Variants in VWA8 observed in about 807,000 individuals in gnomAD.
VWA8 encodes von Willebrand factor A domain-containing protein 8.
A neutral mutation model predicts 241.5 loss-of-function variants in VWA8; 221 were observed. The observed-to-expected ratio is 0.91, with a 90% CI of 0.82 to 1.02. VWA8 has a LOEUF of 1.02. Ranked by LOEUF, VWA8 falls within the 50% of genes least tolerant of loss-of-function variation. VWA8 has a pLI of 0.00. For missense variants in VWA8, 2,322 were observed against 2,328.7 expected (o/e 1.00, Z 0.06); for synonymous variants, 852 against 827.1 (o/e 1.03, Z -0.52).
intron 37 of VWA8, among the ~76,000 whole-genome samples, chr13:41,617,755 T>G (rs2044630864): frequency 6.6e-6 from 1 of 152,180 alleles, no homozygotes; most frequent in African/African-American, 2.4e-5. Context: ...TTTTCTGTCT[T>G]TATGACAGTT....
At chr13:41,684,899 G>A (rs1043041025) in intron 35 of VWA8, 148 bp downstream of exon 35, 12 of 691,562 alleles carry the variant, frequency 1.7e-5, no homozygotes, top group African/African-American at 1.1e-4. Flanking sequence ...TTCTGAATAC[G>A]GAGAGGTCTT....
chr13:41,684,931 C>T lies in VWA8; in HGVS notation c.4327+116G>A, dbSNP rs1024281137. On this transcript the variant is annotated intron_variant, in intron 35 of 44. Coordinates refer to ENST00000379310, the MANE Select transcript of VWA8 (RefSeq NM_015058.2). ...TCTTTTTAGTTACTTCTAAACTTGT[C>T]GGAATGATCAATTTTTATAAGTATG... is the stretch of plus-strand genomic sequence containing the variant. 2.0e-5 allele frequency: 19 copies of T among 939,348 alleles called. 1 individual carries two copies. Among genetic ancestry groups the T allele is most frequent in the African/African-American group, 1.0e-4 (6 of 59,566 alleles). The allele number at this position is 939,348 out of a possible 1,614,324, so 58.2% of individuals were successfully genotyped here.
chr13:41,641,944 C>T (rs75916343), intron 37 of VWA8, among the ~76,000 whole-genome samples: 5,794 of 152,158 alleles, frequency 0.038, 374 homozygotes, highest in African/African-American at 0.13. Context: ...ATAAGACAAA[C>T]GGAAATCAAA....
intron 37 of VWA8, among the ~76,000 whole-genome samples, chr13:41,658,489 AAC>A (rs2044924885): frequency 6.6e-6 from 1 of 152,200 alleles, no homozygotes; most frequent in Admixed American, 6.5e-5. Context: ...TTTCTGACTG[AAC>A]ACAGTCACGA....
intron 21 of VWA8, among the ~76,000 whole-genome samples, chr13:41,753,685 C>T (rs1020026249): frequency 2.0e-5 from 3 of 152,074 alleles, no homozygotes; most frequent in African/African-American, 7.2e-5. Context: ...TAAAAGTACA[C>T]TGGTTGTGTT....
chr13:41,628,400 G>A (rs1033035642), intron 37 of VWA8, among the ~76,000 whole-genome samples: 1 of 152,060 alleles, frequency 6.6e-6, no homozygotes, highest in Non-Finnish European at 1.5e-5. Context: ...GTTCATTTAT[G>A]TGAACAATGT....
At chr13:41,574,724 C>T (rs114323434) in intron 43 of VWA8, among the ~76,000 whole-genome samples, 3,269 of 152,104 alleles carry the variant, frequency 0.021, 80 homozygotes, top group East Asian at 0.1. Flanking sequence ...AAAATAGGCA[C>T]GTAGACCAAT....
intron 21 of VWA8, among the ~76,000 whole-genome samples, chr13:41,750,634 T>C (rs1018158395): frequency 3.5e-4 from 53 of 152,264 alleles, no homozygotes; most frequent in African/African-American, 1.3e-3. Context: ...TCACTGCAGA[T>C]ATGCTGGAAA....
chr13:41,840,272 TG>T (rs1871934842), intron 12 of VWA8, among the ~76,000 whole-genome samples: 1 of 151,986 alleles, frequency 6.6e-6, no homozygotes, highest in South Asian at 2.1e-4. Context: ...TGAGACCACA[TG>T]GACACAGGGA....
chr13:41,862,959 A>G (rs1266114143), intron 12 of VWA8, among the ~76,000 whole-genome samples: 2 of 152,136 alleles, frequency 1.3e-5, no homozygotes, highest in African/African-American at 4.8e-5. Context: ...TGTTCTACAC[A>G]TATGTTCATT....
chr13:41,626,342 C>T (rs12017526), intron 37 of VWA8, among the ~76,000 whole-genome samples: 5,089 of 152,154 alleles, frequency 0.033, 285 homozygotes, highest in African/African-American at 0.12. Flanking sequence ...GGCTATGCTG[C>T]CCAAAGTAAT....
At chr13:41,717,645 T>A (rs953575557) in intron 26 of VWA8, among the ~76,000 whole-genome samples, 1 of 152,006 alleles carries the variant, frequency 6.6e-6, no homozygotes, top group Non-Finnish European at 1.5e-5. Flanking sequence ...GATAATTTGA[T>A]AGAAATTGCT....
At chr13:41,851,414 TG>T (rs1872527824) in intron 12 of VWA8, among the ~76,000 whole-genome samples, 1 of 152,240 alleles carries the variant, frequency 6.6e-6, no homozygotes, top group Admixed American at 6.5e-5. Flanking sequence ...GACAGTGATA[TG>T]GTTTGGCTAT....
At chr13:41,732,661 A>G (rs1210441995) in intron 21 of VWA8, among the ~76,000 whole-genome samples, 3 of 152,174 alleles carry the variant, frequency 2.0e-5, no homozygotes, top group Non-Finnish European at 4.4e-5. Context: ...ACCGCTTGCC[A>G]AGAATACTCA....
At position 41,727,282 on chromosome 13, in the gene VWA8, A is replaced by G; in HGVS notation, c.2670T>C (p.Val890=). 1 of 1,558,818 alleles carries G rather than the reference A, an allele frequency of 6.4e-7. No homozygotes were observed. The highest frequency in any genetic ancestry group is 8.7e-7 in the Non-Finnish European group (1 of 1,151,254). ...TCCTAAAATCAGGATGAATCACTAC[A>G]ACATTTTCTCTTCCATTCACATTAG... The part of the protein sequence containing the change: ...NSANVNGREN[V]VVIHPDFRMI... The change falls in exon 24 of 45, where the codon GTT becomes GTC. Residue 890 remains valine, a synonymous_variant. Coordinates refer to ENST00000379310, the MANE Select transcript of VWA8 (RefSeq NM_015058.2).
chr13:41,816,015 A>C (rs1393819310), intron 16 of VWA8, among the ~76,000 whole-genome samples: 1 of 152,232 alleles, frequency 6.6e-6, no homozygotes, highest in Non-Finnish European at 1.5e-5. Context: ...GATTATCAAC[A>C]AAGTCAAGAA....
chr13:41,704,366 C>G (rs1456362728), intron 26 of VWA8, among the ~76,000 whole-genome samples: 1 of 152,068 alleles, frequency 6.6e-6, no homozygotes, highest in Non-Finnish European at 1.5e-5. Flanking sequence ...ATTTAGATTC[C>G]CTTTTATTTA....
chr13:41,959,322 G>T (rs1322056136), intron 1 of VWA8, among the ~76,000 whole-genome samples: 1 of 151,984 alleles, frequency 6.6e-6, no homozygotes, highest in East Asian at 1.9e-4. Context: ...TGGATAAGTG[G>T]ATTCCAACCC....
chr13:41,764,479 T>C (rs758006586), intron 20 of VWA8, among the ~76,000 whole-genome samples: 25 of 152,144 alleles, frequency 1.6e-4, no homozygotes, highest in East Asian at 7.7e-4. Context: ...TATAGTCTAG[T>C]AGGGAACACA....
Sources: allele counts gnomAD v4.1 joint callset (sites outside exome capture counted in the v4.1 genomes callset), GRCh38; gene constraint gnomAD v4.1.1; transcripts MANE v1.5; gene names NCBI Gene and HGNC (gene_info 2026-07-23, HGNC 2026-07-21).